The following TENM2 variants were observed in gnomAD, a reference collection of about 807,000 sequenced individuals.
The protein encoded by TENM2 is teneurin-2.
Under a neutral mutation model 245.2 loss-of-function variants are expected in TENM2, and 52 were observed. The ratio of observed to expected loss-of-function variants is 0.21; its 90% CI spans 0.17 to 0.27. The LOEUF is 0.27. TENM2 is among the 10% of genes least tolerant of loss of function. The pLI is 1.00. For missense variants in TENM2, 3,046 were observed against 3,666.8 expected (o/e 0.83, Z 4.37); for synonymous variants, 1,363 against 1,438.9 (o/e 0.95, Z 1.19).
rs1561918967 is a variant in TENM2, at chr5:167,905,553, CTA to C, written c.712+29360_712+29361del. 7.2e-5 allele frequency among the ~76,000 whole-genome samples: 11 copies of C among 152,312 alleles called. No homozygotes were observed. In the South Asian group the frequency reaches 2.3e-3, roughly 32 times the overall value. On this transcript the variant is annotated intron_variant, in intron 3 of 28. Coordinates refer to ENST00000518659, the Ensembl canonical transcript of TENM2. Reference sequence around the variant, plus strand: ...TAGAGGAAGAAAATCCAAGAAATCCCTATGAGACCTTTTTAAATTTAGCACTC... The same window carrying C: ...TAGAGGAAGAAAATCCAAGAAATCCCTGAGACCTTTTTAAATTTAGCACTC...
At chr5:167,040,111 A>G in the TENM2 span, among the ~76,000 whole-genome samples, 1 of 152,102 alleles carries the variant, frequency 6.6e-6, no homozygotes, top group Admixed American at 6.5e-5. Flanking sequence ...TGTTATTTTC[A>G]CTATATCAAA....
intron 2 of TENM2, among the ~76,000 whole-genome samples, chr5:167,499,617 ACAAT>A (rs1360764449): frequency 6.6e-6 from 1 of 152,186 alleles, no homozygotes; most frequent in African/African-American, 2.4e-5. Context: ...ATGGAAGAAG[ACAAT>A]CAGAATTAAA....
chr5:168,076,483 C>T (rs1791489079), intron 7 of TENM2, among the ~76,000 whole-genome samples: 1 of 152,062 alleles, frequency 6.6e-6, no homozygotes, highest in African/African-American at 2.4e-5. Flanking sequence ...CTCGGCTTCC[C>T]AAAGTGCTGG....
At chr5:167,144,617 G>T in the TENM2 span, among the ~76,000 whole-genome samples, 1 of 152,120 alleles carries the variant, frequency 6.6e-6, no homozygotes, top group South Asian at 2.1e-4. Context: ...CAAGAAAGCG[G>T]CAGGATCCAT....
At chr5:167,716,685 C>T (rs1339944445) in intron 2 of TENM2, among the ~76,000 whole-genome samples, 1 of 152,038 alleles carries the variant, frequency 6.6e-6, no homozygotes, top group African/African-American at 2.4e-5. Context: ...CTGTTTTATG[C>T]AAGTCTTAGG....
chr5:167,013,300 A>G, the TENM2 span, among the ~76,000 whole-genome samples: 1 of 152,178 alleles, frequency 6.6e-6, no homozygotes, highest in South Asian at 2.1e-4. Flanking sequence ...ACTAATAATC[A>G]AAACGGGCCA....
At chr5:167,765,208 T>C (rs529457970) in intron 2 of TENM2, among the ~76,000 whole-genome samples, 54 of 152,292 alleles carry the variant, frequency 3.5e-4, no homozygotes, top group African/African-American at 1.2e-3. Context: ...CCTTAAAATA[T>C]GCAGATGGAA....
At chr5:167,608,725 T>A (rs938788014) in intron 2 of TENM2, among the ~76,000 whole-genome samples, 1 of 152,132 alleles carries the variant, frequency 6.6e-6, no homozygotes, top group African/African-American at 2.4e-5. Context: ...CACAGGAGCC[T>A]ACAGATTTGC....
At chr5:167,461,716 A>C (rs925048407) in intron 2 of TENM2, among the ~76,000 whole-genome samples, 1 of 152,218 alleles carries the variant, frequency 6.6e-6, no homozygotes, top group South Asian at 2.1e-4. Flanking sequence ...CCAAGGCTCT[A>C]TGTCAAATAA....
intron 1 of TENM2, among the ~76,000 whole-genome samples, chr5:167,291,306 A>G (rs1198125719): frequency 6.6e-6 from 1 of 152,228 alleles, no homozygotes; most frequent in African/African-American, 2.4e-5. Flanking sequence ...ATTTACAAAC[A>G]ATAGTATCCC....
chr5:167,583,510 A>ACACACACACG (rs777180325), intron 2 of TENM2, among the ~76,000 whole-genome samples: 3 of 149,894 alleles, frequency 2.0e-5, no homozygotes, highest in African/African-American at 7.4e-5. Context: ...ACACACACAC[A>ACACACACACG]CCCCAAACCT....
the TENM2 span, among the ~76,000 whole-genome samples, chr5:167,250,396 TA>T: frequency 5.3e-5 from 8 of 152,136 alleles, no homozygotes; most frequent in Non-Finnish European, 1.0e-4. Flanking sequence ...AATATAACAA[TA>T]TTGAGTACAT....
At chr5:167,960,540 C>CG (rs959466746) in intron 4 of TENM2, among the ~76,000 whole-genome samples, 2 of 152,064 alleles carry the variant, frequency 1.3e-5, no homozygotes, top group African/African-American at 4.8e-5. Context: ...GTGGACCCCC[C>CG]CTCCCTCCCA....
chr5:167,521,512 T>C (rs1770754888), intron 2 of TENM2, among the ~76,000 whole-genome samples: 2 of 152,210 alleles, frequency 1.3e-5, no homozygotes, highest in Admixed American at 6.5e-5. Context: ...AGGTTTATTT[T>C]GGGCATTGGT....
intron 3 of TENM2, among the ~76,000 whole-genome samples, chr5:167,878,081 GGTCA>G (rs1262314108): frequency 2.0e-5 from 3 of 152,196 alleles, no homozygotes; most frequent in Admixed American, 6.5e-5. Context: ...CCATAAGAGA[GGTCA>G]GTTCATATCT....
chr5:167,612,569 T>TG (rs1777545022), intron 2 of TENM2, among the ~76,000 whole-genome samples: 1 of 152,142 alleles, frequency 6.6e-6, no homozygotes, highest in Non-Finnish European at 1.5e-5. Flanking sequence ...AAAATAACTT[T>TG]AAAAGGTTGT....
chr5:167,807,634 A>ATTTTTT (rs1766319113), intron 2 of TENM2, among the ~76,000 whole-genome samples: 1 of 147,680 alleles, frequency 6.8e-6, no homozygotes, highest in Admixed American at 6.7e-5. Flanking sequence ...TAAAAAAAAA[A>ATTTTTT]AAAAAGAGAC....
At chr5:167,473,586 C>T (rs1767173557) in intron 2 of TENM2, among the ~76,000 whole-genome samples, 1 of 151,846 alleles carries the variant, frequency 6.6e-6, no homozygotes, top group Non-Finnish European at 1.5e-5. Context: ...AGTTTTCGAT[C>T]TGCTACTTGT....
intron 2 of TENM2, chr5:167,653,727 TAAACC>T (rs1754637183): frequency 6.6e-6 from 1 of 152,216 alleles, no homozygotes; most frequent in South Asian, 2.1e-4. Context: ...GACCTAGGGC[TAAACC>T]AATCAATACG....
Sources: gnomAD v4.1 joint callset for allele counts (sites outside exome capture counted in the v4.1 genomes callset) on GRCh38, gnomAD v4.1.1 for gene constraint, MANE v1.5 for transcripts, NCBI Gene and HGNC (gene_info 2026-07-23, HGNC 2026-07-21) for gene names.